Variants in MYO3B observed in about 807,000 individuals in gnomAD.
MYO3B encodes the protein myosin IIIB, also known as myosin-IIIb.
In MYO3B, 156 loss-of-function variants were observed where a neutral mutation model predicts 174.6. That is an observed-to-expected ratio of 0.89 (90% CI 0.78 to 1.02). MYO3B has a LOEUF of 1.02. Ranked by LOEUF, MYO3B falls within the 50% of genes least tolerant of loss-of-function variation. The pLI is 0.00. For missense variants in MYO3B, 1,632 were observed against 1,639.4 expected, an observed-to-expected ratio of 1.00 and a Z score of 0.08; for synonymous variants, 563 against 569.1, an observed-to-expected ratio of 0.99 and a Z score of 0.15.
intron 32 of MYO3B, chr2:170,601,894 T>G (rs1418012629): frequency 1.7e-5 from 14 of 846,192 alleles, no homozygotes; most frequent in East Asian, 1.4e-4. Flanking sequence ...TCCTTTGATT[T>G]TTGGGCAATA....
intron 32 of MYO3B, among the ~76,000 whole-genome samples, chr2:170,614,584 G>A (rs1160011936): frequency 6.6e-6 from 1 of 152,120 alleles, no homozygotes; most frequent in African/African-American, 2.4e-5. Context: ...CAAACTTAAT[G>A]CACTCACAGA....
intron 8 of MYO3B, among the ~76,000 whole-genome samples, chr2:170,355,377 A>T (rs1418967610): frequency 6.6e-6 from 1 of 152,246 alleles, no homozygotes; most frequent in Non-Finnish European, 1.5e-5. Context: ...AGTCAATTTT[A>T]GTCTTTACCA....
At chr2:170,504,583 T>G (rs1435863818) in intron 28 of MYO3B, among the ~76,000 whole-genome samples, 1 of 152,216 alleles carries the variant, frequency 6.6e-6, no homozygotes, top group East Asian at 1.9e-4. Context: ...TGTAAATTAA[T>G]TCTTGCTGGT....
chr2:170,519,399 T>A, intron 29 of MYO3B, 39 bp from the exon 30 acceptor site: 3 of 1,569,182 alleles, frequency 1.9e-6, no homozygotes, highest in Non-Finnish European at 2.6e-6. Flanking sequence ...CCCTACCTAC[T>A]TCTGAACATA....
At chr2:170,538,842 G>A (rs1258252064) in intron 30 of MYO3B, among the ~76,000 whole-genome samples, 1 of 152,052 alleles carries the variant, frequency 6.6e-6, no homozygotes. Context: ...ATACAAAGAG[G>A]GACAACTACT....
At chr2:170,228,632 G>A (rs1467999636) in intron 6 of MYO3B, among the ~76,000 whole-genome samples, 2 of 152,136 alleles carry the variant, frequency 1.3e-5, no homozygotes, top group Admixed American at 1.3e-4. Flanking sequence ...CAAACCCAGA[G>A]TGAGTTCCTC....
intron 22 of MYO3B, among the ~76,000 whole-genome samples, chr2:170,443,385 A>G (rs573541647): frequency 2.6e-5 from 4 of 152,106 alleles, no homozygotes; most frequent in Admixed American, 1.3e-4. Flanking sequence ...TAGATTCTGG[A>G]TATTAGCCCT....
intron 7 of MYO3B, among the ~76,000 whole-genome samples, chr2:170,297,296 C>T (rs1383330855): frequency 6.6e-6 from 1 of 151,070 alleles, no homozygotes; most frequent in Non-Finnish European, 1.5e-5. Flanking sequence ...TACCCGCTCC[C>T]AATGGCCACC....
chr2:170,636,637 G>A (rs1441189610), intron 32 of MYO3B, among the ~76,000 whole-genome samples: 1 of 152,132 alleles, frequency 6.6e-6, no homozygotes, highest in Non-Finnish European at 1.5e-5. Flanking sequence ...GTCAGCCAGA[G>A]CCTCCCACCC....
intron 30 of MYO3B, among the ~76,000 whole-genome samples, chr2:170,528,683 T>C (rs1471608510): frequency 1.3e-5 from 2 of 152,162 alleles, no homozygotes; most frequent in Non-Finnish European, 2.9e-5. Flanking sequence ...TGAGATTGCA[T>C]GCATGAGAAA....
chr2:170,634,969 C>A (rs1697339965), intron 32 of MYO3B, among the ~76,000 whole-genome samples: 2 of 152,176 alleles, frequency 1.3e-5, no homozygotes, highest in South Asian at 4.1e-4. Flanking sequence ...ACAACAGGTG[C>A]TGGAGAGGAT....
intron 32 of MYO3B, among the ~76,000 whole-genome samples, chr2:170,549,073 C>G (rs1301554214): frequency 6.6e-6 from 1 of 152,132 alleles, no homozygotes; most frequent in Non-Finnish European, 1.5e-5. Flanking sequence ...AGAACAGGAA[C>G]TCTTATGTAT....
chr2:170,413,989 G>A (rs377480279), intron 22 of MYO3B, among the ~76,000 whole-genome samples: 47 of 152,028 alleles, frequency 3.1e-4, no homozygotes, highest in Admixed American at 2.0e-3. Context: ...GCAGTGAGCC[G>A]AGATCACGCC....
intron 22 of MYO3B, among the ~76,000 whole-genome samples, chr2:170,437,253 A>G (rs1171681658): frequency 6.7e-6 from 1 of 148,330 alleles, no homozygotes; most frequent in Non-Finnish European, 1.5e-5. Context: ...CCTTACGTGC[A>G]GAGAGATTGA....
chr2:170,366,247 C>T (rs1474608740), intron 8 of MYO3B, among the ~76,000 whole-genome samples: 1 of 152,128 alleles, frequency 6.6e-6, no homozygotes, highest in African/African-American at 2.4e-5. Flanking sequence ...ATTCAACCCA[C>T]TTCAGTCTTT....
chr2:170,182,146 T>C (rs1204151677), intron 1 of MYO3B, among the ~76,000 whole-genome samples: 1 of 152,178 alleles, frequency 6.6e-6, no homozygotes, highest in African/African-American at 2.4e-5. Flanking sequence ...ACCTTTTTAC[T>C]TGTATGCAAT....
chr2:170,335,595 T>C (rs1285186826), intron 8 of MYO3B, 145 bp downstream of exon 8: 5 of 610,478 alleles, frequency 8.2e-6, no homozygotes, highest in African/African-American at 1.9e-5. Context: ...TAGTAAATGA[T>C]AGAAGATGCC....
chr2:170,323,146 C>G (rs2093841259), intron 7 of MYO3B, among the ~76,000 whole-genome samples: 1 of 152,122 alleles, frequency 6.6e-6, no homozygotes, highest in Non-Finnish European at 1.5e-5. Context: ...CCTTAGAGGA[C>G]AAATGGTGCT....
intron 30 of MYO3B, among the ~76,000 whole-genome samples, chr2:170,526,287 A>C (rs1688991060): frequency 6.6e-6 from 1 of 152,206 alleles, no homozygotes; most frequent in South Asian, 2.1e-4. Context: ...TGTAATGAAT[A>C]CTCAATAAGA....
Sources: allele counts gnomAD v4.1 joint callset (sites outside exome capture counted in the v4.1 genomes callset), GRCh38; gene constraint gnomAD v4.1.1; transcripts MANE v1.5; gene names NCBI Gene and HGNC (gene_info 2026-07-23, HGNC 2026-07-21).